MLC1: variants seen among roughly 807,000 people sequenced by gnomAD.
The protein encoded by MLC1 is membrane protein MLC1.
In MLC1, 32 loss-of-function variants were observed where a neutral mutation model predicts 44.7. The ratio of observed to expected loss-of-function variants is 0.72; its 90% CI spans 0.54 to 0.96. The LOEUF is 0.96. Among genes scored for constraint, MLC1 ranks in the 40% least tolerant of loss-of-function variants. The pLI is 0.00. For synonymous variants in MLC1, 190 were observed against 213.0 expected, an observed-to-expected ratio of 0.89 and a Z score of 0.94; for missense variants, 459 against 492.2, an observed-to-expected ratio of 0.93 and a Z score of 0.64.
At chr22:50,063,257 G>A (rs779611531) in intron 11 of MLC1, among the ~76,000 whole-genome samples, 3 of 152,128 alleles carry the variant, frequency 2.0e-5, no homozygotes, top group Middle Eastern at 3.4e-3. Flanking sequence ...GGCGGATCAT[G>A]AGGTCAGGAG....
chr22:50,064,666 C>T (rs1296912977), intron 10 of MLC1, among the ~76,000 whole-genome samples: 3 of 152,128 alleles, frequency 2.0e-5, no homozygotes, highest in African/African-American at 7.2e-5. Context: ...CCCCTGAGCA[C>T]CAGCTGCTAG....
chr22:50,065,148 A>T (rs1400900337), intron 10 of MLC1, among the ~76,000 whole-genome samples: 1 of 152,030 alleles, frequency 6.6e-6, no homozygotes, highest in African/African-American at 2.4e-5. Context: ...TGGTCTCCTA[A>T]CCTCAGGTGA....
intron 3 of MLC1, among the ~76,000 whole-genome samples, chr22:50,081,009 A>AACAGAAAGAAAGAAAGAAAG (rs1555967989): frequency 1.0e-5 from 1 of 96,740 alleles, no homozygotes; most frequent in African/African-American, 4.5e-5. Flanking sequence ...TTGTCTCAAA[A>AACAGAAAGAAAGAAAGAAAG]AAAGAAAGAA....
intron 8 of MLC1, among the ~76,000 whole-genome samples, chr22:50,073,774 T>C (rs1022016233): frequency 6.6e-6 from 1 of 152,112 alleles, no homozygotes; most frequent in Non-Finnish European, 1.5e-5. Context: ...ACAATGCCCA[T>C]GTATTGAGCA....
intron 9 of MLC1, among the ~76,000 whole-genome samples, chr22:50,070,197 C>A (rs759877235): frequency 1.3e-5 from 2 of 151,834 alleles, no homozygotes; most frequent in Admixed American, 6.6e-5. Flanking sequence ...AGCGAGACTG[C>A]ATCTCAAAAA....
Position 50,060,923 on chromosome 22 carries a change from G to A in MLC1, c.*660C>T, listed in dbSNP as rs139148001. The A allele has an allele frequency of 2.3e-3, 364 of 156,922 alleles. 1 individual carries two copies. The highest frequency in any genetic ancestry group is 8.3e-3 in the African/African-American group (344 of 41,616). 9.7% of individuals were successfully genotyped at this position (156,922 alleles called of 1,614,324 possible). On this transcript the variant is annotated 3_prime_UTR_variant, in exon 12 of 12. Transcript: ENST00000311597. ...AGGGAGACAGGGCAGGCGACCCGGC[G>A]TGGACTGGTGTGGATTTCACCTGGG...
rs1475758973 is a variant in MLC1, at chr22:50,070,529, G to C, written c.769C>G (p.Leu257Val). 1.9e-6 allele frequency: 3 copies of C among 1,560,444 alleles called. No homozygotes were observed. Among genetic ancestry groups the C allele is most frequent in the Non-Finnish European group, 2.6e-6 (3 of 1,151,684 alleles). ...CCAGGGCTGAGGGGTTCACCCACCA[G>C]ACACTTGCTGGGACACTCTGCTGCC... ...HVAAECPSKC[L>V]VEVLIAISSL... The change falls in exon 9 of 12, where the codon CTG becomes GTG. Residue 257 changes from leucine (L) to valine (V), a missense_variant and splice_region_variant. Physicochemically the swap from Leu to Val is conservative, Grantham distance 32 (BLOSUM62 1). Coordinates refer to ENST00000311597, the MANE Select transcript of MLC1 (RefSeq NM_015166.4).
chr22:50,085,194 T>C (rs2062251335), intron 1 of MLC1, 161 bp downstream of exon 1: 1 of 1,291,486 alleles, frequency 7.7e-7, no homozygotes, highest in Non-Finnish European at 9.9e-7. Flanking sequence ...CATTGATCCA[T>C]CTGGGCCCTC....
chr22:50,061,244 G>A lies in MLC1; in HGVS notation c.*339C>T, dbSNP rs115770001. The A allele has an allele frequency of 3.4e-3, 1,403 of 408,988 alleles. 23 individuals are homozygous for A. Among genetic ancestry groups the A allele is most frequent in the African/African-American group, 0.027 (1,321 of 49,002 alleles). The allele number at this position is 408,988 out of a possible 1,614,324, so 25.3% of individuals were successfully genotyped here. On this transcript the variant is annotated 3_prime_UTR_variant, in exon 12 of 12. Transcript: ENST00000311597. ...GAGCCCACTCCAGCCCAAGCCATGA[G>A]AGAGGCAGGAAGAGGAGCTGGGGCC...
intron 10 of MLC1, among the ~76,000 whole-genome samples, chr22:50,066,298 T>C (rs2061700881): frequency 6.7e-6 from 1 of 149,450 alleles, no homozygotes; most frequent in African/African-American, 2.5e-5. Flanking sequence ...CAGGAGCTCA[T>C]GACCAGCCCG....
chr22:50,075,926 A>G (rs992566519), intron 7 of MLC1, among the ~76,000 whole-genome samples: 1 of 152,160 alleles, frequency 6.6e-6, no homozygotes, highest in African/African-American at 2.4e-5. Flanking sequence ...CAGACCCCGC[A>G]TGGTCTGTTT....
chr22:50,076,283 G>A (rs111816898), intron 7 of MLC1, among the ~76,000 whole-genome samples: 16,124 of 152,182 alleles, frequency 0.11, 968 homozygotes, highest in South Asian at 0.23. Context: ...GGCCAGGTGC[G>A]GTGGCTCACA....
At chr22:50,084,214 C>A (rs1007507973) in intron 2 of MLC1, among the ~76,000 whole-genome samples, 1 of 152,182 alleles carries the variant, frequency 6.6e-6, no homozygotes, top group African/African-American at 2.4e-5. Context: ...CAGGGAATGG[C>A]CAGGACCCCA....
At chr22:50,071,534 G>C (rs538236806) in intron 8 of MLC1, among the ~76,000 whole-genome samples, 7 of 152,278 alleles carry the variant, frequency 4.6e-5, no homozygotes, top group Non-Finnish European at 8.8e-5. Context: ...GGTCGCTTCT[G>C]GGGGGTGCAG....
In MLC1 at chr22:50,083,528, C is replaced by T. The variant is rs2062201908; in HGVS notation, c.178-355G>A. On this transcript the variant is annotated intron_variant, in intron 2 of 11. Transcript: ENST00000311597. This position sits in a 1 kb window ranked among gnomAD's most constrained non-coding sequence, Gnocchi z 4.6. ...ATGTTGTGCGTGCAGTCTTCCAGAT[C>T]CCACACCCAGGTCCAGACACGAGAC... Among the ~76,000 whole-genome samples, 1 of 152,212 alleles carries T rather than the reference C, an allele frequency of 6.6e-6. No individual in the cohort carries two copies. Among genetic ancestry groups the T allele is most frequent in the Admixed American group, 6.5e-5 (1 of 15,286 alleles).
Position 50,070,517 on chromosome 22 carries a change from G to T in MLC1, c.771+10C>A. The T allele has an allele frequency of 6.4e-7, 1 of 1,557,024 alleles. No individual in the cohort carries two copies. On this transcript the variant is annotated intron_variant, in intron 9 of 11. Transcript: ENST00000311597. ...GGTCCCTGGCACCCAGGGCTGAGGG[G>T]TTCACCCACCAGACACTTGCTGGGA...
intron 7 of MLC1, chr22:50,074,588 C>T (rs1425995584): frequency 4.0e-6 from 2 of 500,654 alleles, no homozygotes; most frequent in Admixed American, 3.1e-5. Flanking sequence ...CTTTTGTCCA[C>T]AGAAACTGAG....
chr22:50,071,243 C>A (rs1215013173), intron 8 of MLC1, among the ~76,000 whole-genome samples: 1 of 151,896 alleles, frequency 6.6e-6, no homozygotes, highest in African/African-American at 2.4e-5. Flanking sequence ...AGGCACCCAC[C>A]ACTACACCAG....
rs1325028121 is a variant in MLC1 at position 50,060,219 on chromosome 22, C to T, written c.*1364G>A. The T allele has an allele frequency of 6.6e-6, 1 of 152,396 alleles. No individual in the cohort carries two copies. Among genetic ancestry groups the T allele is most frequent in the Non-Finnish European group, 1.5e-5 (1 of 68,048 alleles). The allele number at this position is 152,396 out of a possible 1,614,324, so 9.4% of individuals were successfully genotyped here. The stretch of plus-strand genomic sequence containing the variant: ...AAAACACCTGCTGGAAAGTAATTAT[C>T]AAAGTAACAGCATTCCAGTTTCACA... On this transcript the variant is annotated 3_prime_UTR_variant, in exon 12 of 12. Coordinates refer to ENST00000311597, the MANE Select transcript of MLC1 (RefSeq NM_015166.4).
Sources: gnomAD v4.1 joint callset for allele counts (sites outside exome capture counted in the v4.1 genomes callset) on GRCh38, gnomAD v4.1.1 for gene constraint, Gnocchi (gnomAD v3.1) non-coding constraint, MANE v1.5 for transcripts, NCBI Gene and HGNC (gene_info 2026-07-23, HGNC 2026-07-21) for gene names.